The following CDH13 variants were observed in gnomAD, a reference collection of about 807,000 sequenced individuals.
The protein encoded by CDH13 is cadherin 13, also known as cadherin-13.
A neutral mutation model predicts 63.8 loss-of-function variants in CDH13; 24 were observed. The observed-to-expected ratio is 0.38, with a 90% CI of 0.27 to 0.53. The LOEUF (loss-of-function observed/expected upper bound fraction) is 0.53. Ranked by LOEUF, CDH13 falls within the 20% of genes least tolerant of loss-of-function variation. The pLI, the probability that CDH13 is intolerant of heterozygous loss-of-function variation, is 0.85. For missense variants in CDH13, 1,049 were observed against 903.1 expected, an observed-to-expected ratio of 1.16 and a Z score of -2.07; for synonymous variants, 503 against 355.3, an observed-to-expected ratio of 1.42 and a Z score of -4.67.
intron 8 of CDH13, among the ~76,000 whole-genome samples, chr16:83,619,801 A>G (rs1308807478): frequency 6.6e-6 from 1 of 152,258 alleles, no homozygotes; most frequent in African/African-American, 2.4e-5. Flanking sequence ...ATAAGGTTAC[A>G]GTCTGAGGTC....
intron 5 of CDH13, among the ~76,000 whole-genome samples, chr16:83,326,371 T>C (rs191957777): frequency 1.3e-5 from 2 of 152,184 alleles, no homozygotes; most frequent in African/African-American, 2.4e-5. Context: ...ATCTCAAGGA[T>C]TGGAGAAACA....
intron 6 of CDH13, among the ~76,000 whole-genome samples, chr16:83,428,946 G>A (rs748730418): frequency 2.0e-5 from 3 of 152,190 alleles, no homozygotes; most frequent in South Asian, 2.1e-4. Flanking sequence ...AACTCTAGGG[G>A]TTTGTTCGGT....
At chr16:83,416,988 T>C (rs556465721) in intron 6 of CDH13, among the ~76,000 whole-genome samples, 1 of 152,322 alleles carries the variant, frequency 6.6e-6, no homozygotes, top group Admixed American at 6.5e-5. Flanking sequence ...AAAATAGTGT[T>C]TTTAAAATCA....
chr16:82,993,547 G>A (rs903113130), intron 2 of CDH13, among the ~76,000 whole-genome samples: 2 of 152,094 alleles, frequency 1.3e-5, no homozygotes, highest in African/African-American at 4.8e-5. Context: ...GTAGCATTGG[G>A]CCATGTTTAA....
chr16:83,680,561 C>A (rs572439878), intron 10 of CDH13, among the ~76,000 whole-genome samples: 2 of 152,192 alleles, frequency 1.3e-5, no homozygotes, highest in African/African-American at 4.8e-5. Flanking sequence ...GCAAAGGTCA[C>A]CTTACTATTA....
intron 2 of CDH13, among the ~76,000 whole-genome samples, chr16:82,989,564 G>A (rs980612957): frequency 6.6e-6 from 1 of 152,148 alleles, no homozygotes; most frequent in Non-Finnish European, 1.5e-5. Context: ...TTTCTCTCTG[G>A]CACCTTCTCT....
chr16:83,772,729 G>A (rs949713611), intron 11 of CDH13: 3 of 152,116 alleles, frequency 2.0e-5, no homozygotes, highest in African/African-American at 7.2e-5. Flanking sequence ...ATTCATTTTT[G>A]GAACCCTCCT....
chr16:82,707,571 A>G (rs538726095), intron 1 of CDH13, among the ~76,000 whole-genome samples: 21 of 152,336 alleles, frequency 1.4e-4, no homozygotes, highest in Non-Finnish European at 1.0e-4. Context: ...TCTGTGATAC[A>G]TGACAGAGTG....
intron 1 of CDH13, among the ~76,000 whole-genome samples, chr16:82,705,992 C>G (rs1290015696): frequency 6.6e-6 from 1 of 151,654 alleles, no homozygotes; most frequent in Non-Finnish European, 1.5e-5. Context: ...GGTTATCTAC[C>G]CTTCCCCCTC....
intron 2 of CDH13, among the ~76,000 whole-genome samples, chr16:82,929,681 A>AAAAAAAAAAAAAAAAAAC (rs2042420354): frequency 2.1e-5 from 3 of 140,164 alleles, no homozygotes; most frequent in Non-Finnish European, 4.7e-5. Flanking sequence ...AAAAAAAAAA[A>AAAAAAAAAAAAAAAAAAC]AAGAAGACAG....
intron 2 of CDH13, among the ~76,000 whole-genome samples, chr16:83,012,567 AC>A (rs879363930): frequency 2.0e-5 from 3 of 151,928 alleles, no homozygotes; most frequent in Admixed American, 2.0e-4. Flanking sequence ...ACAAGAAAAA[AC>A]TATATATATA....
intron 7 of CDH13, among the ~76,000 whole-genome samples, chr16:83,579,053 A>G (rs954629481): frequency 6.6e-6 from 1 of 152,248 alleles, no homozygotes; most frequent in African/African-American, 2.4e-5. Flanking sequence ...TGCAAAGGCA[A>G]TGATAAAATT....
At chr16:83,451,830 C>T (rs1466747952) in intron 6 of CDH13, among the ~76,000 whole-genome samples, 2 of 152,330 alleles carry the variant, frequency 1.3e-5, no homozygotes, top group Non-Finnish European at 2.9e-5. Flanking sequence ...CATTTTATTT[C>T]GTACTGAAAT....
intron 10 of CDH13, among the ~76,000 whole-genome samples, chr16:83,729,267 T>A (rs449555): frequency 0.47 from 71,755 of 152,010 alleles, 19,291 homozygotes; most frequent in Non-Finnish European, 0.61. Flanking sequence ...AGATAAGACA[T>A]GCATATTATA....
At chr16:83,788,533 G>T (rs1916041512) in intron 13 of CDH13, among the ~76,000 whole-genome samples, 1 of 150,002 alleles carries the variant, frequency 6.7e-6, no homozygotes, top group Non-Finnish European at 1.5e-5. Flanking sequence ...GGATTTTCTT[G>T]TGGTCCTCAC....
intron 10 of CDH13, among the ~76,000 whole-genome samples, chr16:83,679,957 G>A (rs557632952): frequency 2.0e-5 from 3 of 152,312 alleles, no homozygotes; most frequent in East Asian, 1.9e-4. Context: ...TGGGACCCAG[G>A]ACTAGATGTC....
intron 4 of CDH13, among the ~76,000 whole-genome samples, chr16:83,171,278 AG>A: frequency 6.6e-6 from 1 of 152,098 alleles, no homozygotes; most frequent in Non-Finnish European, 1.5e-5. Context: ...ACACTTTTAA[AG>A]GACCAGATCT....
At chr16:83,530,461 G>C (rs2075058780) in intron 7 of CDH13, among the ~76,000 whole-genome samples, 1 of 152,214 alleles carries the variant, frequency 6.6e-6, no homozygotes, top group South Asian at 2.1e-4. Context: ...CCAAAATTGA[G>C]CACTGTTTCC....
intron 6 of CDH13, among the ~76,000 whole-genome samples, chr16:83,415,131 G>A (rs974751602): frequency 1.3e-5 from 2 of 151,292 alleles, no homozygotes; most frequent in Non-Finnish European, 1.5e-5. Flanking sequence ...AGACCCCTAT[G>A]AACAGTTCCC....
Sources: allele counts gnomAD v4.1 joint callset (sites outside exome capture counted in the v4.1 genomes callset), GRCh38; gene constraint gnomAD v4.1.1; transcripts MANE v1.5; gene names NCBI Gene and HGNC (gene_info 2026-07-23, HGNC 2026-07-21).